REEP3: variants seen among roughly 807,000 people sequenced by gnomAD.
The protein encoded by REEP3 is receptor accessory protein 3.
REEP3 carries 20 observed loss-of-function variants against 41.3 expected under a neutral mutation model. The observed-to-expected ratio is 0.48, with a 90% CI of 0.34 to 0.70. The LOEUF (loss-of-function observed/expected upper bound fraction) is 0.70. REEP3 is among the 30% of genes least tolerant of loss of function. The probability of loss-of-function intolerance (pLI) is 0.01; values close to 1 mark genes in which losing one functional copy is unlikely to be tolerated. For missense variants in REEP3, 271 were observed against 308.8 expected, an observed-to-expected ratio of 0.88 and a Z score of 0.92; for synonymous variants, 104 against 101.8, an observed-to-expected ratio of 1.02 and a Z score of -0.13.
chr10:63,555,663 A>G (rs774341161), intron 1 of REEP3, among the ~76,000 whole-genome samples: 18 of 152,250 alleles, frequency 1.2e-4, no homozygotes, highest in Non-Finnish European at 2.4e-4. Context: ...CAGATAACCT[A>G]TAATGACTTT....
chr10:63,537,576 A>G (rs1197641437), intron 1 of REEP3, among the ~76,000 whole-genome samples: 1 of 152,186 alleles, frequency 6.6e-6, no homozygotes, highest in African/African-American at 2.4e-5. Flanking sequence ...CATTAAAAAC[A>G]TGTTTAACAC....
chr10:63,528,946 C>T (rs1313908262), intron 1 of REEP3, among the ~76,000 whole-genome samples: 3 of 152,222 alleles, frequency 2.0e-5, no homozygotes, highest in African/African-American at 7.2e-5. Flanking sequence ...TATCATCTGT[C>T]CTCTCCAACT....
In REEP3 at chr10:63,615,329, TG is replaced by T. The variant is rs1349666276; in HGVS notation, c.566-4325del. 5.3e-5 allele frequency among the ~76,000 whole-genome samples: 8 copies of T among 152,106 alleles called. No homozygotes were observed. The South Asian group carries it at 8.3e-4, about 16-fold the overall frequency. ...TTCGGGTTTTAAGTTAAACAGAAAA[TG>T]TTTTTTTTGTTTTTGTTTTTGTTTT... is the stretch of plus-strand genomic sequence containing the variant. On this transcript the variant is annotated intron_variant, in intron 6 of 7. Coordinates refer to ENST00000373758, the MANE Select transcript of REEP3 (RefSeq NM_001001330.3).
At chr10:63,580,996 A>AG (rs1176476615) in intron 2 of REEP3, among the ~76,000 whole-genome samples, 1 of 152,234 alleles carries the variant, frequency 6.6e-6, no homozygotes, top group African/African-American at 2.4e-5. Flanking sequence ...TGGGGGACAG[A>AG]GTGAGACCCT....
chr10:63,537,803 C>T (rs558532518), intron 1 of REEP3, among the ~76,000 whole-genome samples: 1 of 152,280 alleles, frequency 6.6e-6, no homozygotes, highest in Admixed American at 6.5e-5. Context: ...AGGCCAGAAC[C>T]TCTATGAAAT....
Position 63,521,793 on chromosome 10 carries a change from ACTGCGGCTGCGACGGCGG to A in REEP3, c.32+218_32+235del, listed in dbSNP as rs1165485045. On this transcript the variant is annotated intron_variant, in intron 1 of 7. Transcript: ENST00000373758. Reference sequence around the variant, plus strand: ...GACGGCCGAGGGCCTAGCTGCGGCGACTGCGGCTGCGACGGCGGCGGCGGCTGTGGCGCTGCTCGGCTG... The same window carrying A: ...GACGGCCGAGGGCCTAGCTGCGGCGACGGCGGCTGTGGCGCTGCTCGGCTG... The A allele has an allele frequency of 3.4e-4, 107 of 317,648 alleles. 1 individual carries two copies. Among genetic ancestry groups the A allele is most frequent in the East Asian group, 1.4e-4 (3 of 20,922 alleles). 19.7% of individuals were successfully genotyped at this position (317,648 alleles called of 1,614,324 possible). A position where few individuals can be genotyped will look rare whatever the true frequency, so the allele number is the denominator to read the frequency against.
intron 1 of REEP3, among the ~76,000 whole-genome samples, chr10:63,564,334 C>G (rs967729287): frequency 6.6e-5 from 10 of 152,108 alleles, no homozygotes; most frequent in Admixed American, 5.2e-4. Context: ...TTCAGAAACA[C>G]ACATTAGGCC....
At chr10:63,532,400 G>A (rs999537312) in intron 1 of REEP3, among the ~76,000 whole-genome samples, 2 of 151,912 alleles carry the variant, frequency 1.3e-5, no homozygotes, top group African/African-American at 4.8e-5. Flanking sequence ...AAGAAATAAA[G>A]TGCTGTAATC....
intron 2 of REEP3, among the ~76,000 whole-genome samples, chr10:63,572,978 A>G (rs2133381549): frequency 1.3e-5 from 2 of 152,344 alleles, no homozygotes; most frequent in East Asian, 3.9e-4. Flanking sequence ...CAGTCTTAAC[A>G]TTTATCCCAA....
intron 3 of REEP3, 95 bp downstream of exon 3, chr10:63,594,949 A>G (rs1348594475): frequency 4.9e-6 from 4 of 809,088 alleles, no homozygotes; most frequent in Non-Finnish European, 8.5e-6. Flanking sequence ...AGTGATTTTC[A>G]TCAGGTTACC....
At chr10:63,598,178 T>C (rs1398492186) in intron 4 of REEP3, 34 bp downstream of exon 4, 4 of 1,487,800 alleles carry the variant, frequency 2.7e-6, no homozygotes, top group Non-Finnish European at 3.7e-6. Flanking sequence ...TAAATAATTT[T>C]TTAGAAATGC....
At chr10:63,571,711 G>A (rs1955853975) in intron 2 of REEP3, among the ~76,000 whole-genome samples, 1 of 152,162 alleles carries the variant, frequency 6.6e-6, no homozygotes, top group African/African-American at 2.4e-5. Context: ...CATCTTTAGG[G>A]GAGAGAGGGC....
intron 2 of REEP3, among the ~76,000 whole-genome samples, chr10:63,582,365 A>G (rs1955962790): frequency 6.6e-6 from 1 of 152,216 alleles, no homozygotes; most frequent in Admixed American, 6.5e-5. Flanking sequence ...AGGCCTCAGA[A>G]TCTATATAAC....
At chr10:63,526,109 A>T (rs1037733084) in intron 1 of REEP3, among the ~76,000 whole-genome samples, 5 of 152,216 alleles carry the variant, frequency 3.3e-5, no homozygotes, top group African/African-American at 1.2e-4. Flanking sequence ...TTTTGTTTGA[A>T]TCACTTTGTG....
chr10:63,605,915 C>A (rs897477168), intron 5 of REEP3, among the ~76,000 whole-genome samples: 1 of 152,158 alleles, frequency 6.6e-6, no homozygotes. Flanking sequence ...CTGCAGTATT[C>A]TCAGTTTCTT....
intron 1 of REEP3, among the ~76,000 whole-genome samples, chr10:63,544,241 T>A (rs1197538925): frequency 1.3e-5 from 2 of 152,180 alleles, no homozygotes; most frequent in East Asian, 3.8e-4. Context: ...AGGAGTTAGA[T>A]CAATTTGGTC....
At chr10:63,538,810 G>A (rs1479334998) in intron 1 of REEP3, among the ~76,000 whole-genome samples, 1 of 152,176 alleles carries the variant, frequency 6.6e-6, no homozygotes, top group African/African-American at 2.4e-5. Context: ...TGTTTTCCAT[G>A]TGGTCAACAT....
chr10:63,611,932 C>A, intron 6 of REEP3, among the ~76,000 whole-genome samples: 1 of 148,762 alleles, frequency 6.7e-6, no homozygotes. Context: ...AGAGGAACAC[C>A]CTTTCTCAGA....
intron 2 of REEP3, among the ~76,000 whole-genome samples, chr10:63,567,595 A>G (rs181222894): frequency 5.3e-4 from 80 of 152,322 alleles, no homozygotes; most frequent in African/African-American, 1.9e-3. Context: ...ATCTGTTGAC[A>G]GACATATGAA....
Sources: gnomAD v4.1 joint callset for allele counts (sites outside exome capture counted in the v4.1 genomes callset) on GRCh38, gnomAD v4.1.1 for gene constraint, MANE v1.5 for transcripts, NCBI Gene and HGNC (gene_info 2026-07-23, HGNC 2026-07-21) for gene names.